Variants in CACNA1C observed in about 807,000 individuals in gnomAD.
CACNA1C encodes the protein calcium voltage-gated channel subunit alpha1 C, also known as voltage-dependent L-type calcium channel subunit alpha-1C.
A neutral mutation model predicts 229.0 loss-of-function variants in CACNA1C; 30 were observed. The ratio of observed to expected loss-of-function variants is 0.13; its 90% confidence interval spans 0.10 to 0.18. The LOEUF (loss-of-function observed/expected upper bound fraction) is 0.18, where lower values mean the gene tolerates loss of function less well. Among genes scored for constraint, CACNA1C ranks in the 10% least tolerant of loss-of-function variants. CACNA1C has a pLI of 1.00. For synonymous variants in CACNA1C, 1,114 were observed against 1,132.5 expected, an observed-to-expected ratio of 0.98 and a Z score of 0.33; for missense variants, 1,658 against 2,845.0, an observed-to-expected ratio of 0.58 and a Z score of 9.49.
At chr12:2,281,878 TC>T (rs1343258182) in intron 3 of CACNA1C, among the ~76,000 whole-genome samples, 2 of 152,244 alleles carry the variant, frequency 1.3e-5, no homozygotes, top group Admixed American at 1.3e-4. Context: ...TTTTTGCTTC[TC>T]CCCCCATTCC....
chr12:2,564,888 A>G (rs10744565), intron 11 of CACNA1C, among the ~76,000 whole-genome samples: 133,046 of 152,038 alleles, frequency 0.88, 58,539 homozygotes, highest in Non-Finnish European at 0.92. Flanking sequence ...GGGGTGTTCC[A>G]ATCCAACCTG....
chr12:1,997,871 G>A (rs1261491722), intron 1 of CACNA1C: 4 of 1,324,374 alleles, frequency 3.0e-6, no homozygotes, highest in Non-Finnish European at 4.3e-6. Flanking sequence ...GAAGAAGAGT[G>A]ACACAACGGA....
At chr12:2,018,124 C>T (rs1320181715) in intron 1 of CACNA1C, 1 of 152,136 alleles carries the variant, frequency 6.6e-6, no homozygotes, top group African/African-American at 2.4e-5. Context: ...TGCTGACCTC[C>T]CTGTTGTAAA....
chr12:2,250,803 G>C (rs1291759555), intron 3 of CACNA1C, among the ~76,000 whole-genome samples: 1 of 152,168 alleles, frequency 6.6e-6, no homozygotes, highest in Non-Finnish European at 1.5e-5. Flanking sequence ...TTAGGGGTTT[G>C]TTCTGCTCTC....
At chr12:2,286,723 C>CCCTG in intron 3 of CACNA1C, among the ~76,000 whole-genome samples, 1 of 152,220 alleles carries the variant, frequency 6.6e-6, no homozygotes, top group East Asian at 1.9e-4. Flanking sequence ...ATGACAGGAC[C>CCCTG]CAGGCTCAGG....
chr12:2,642,182 G>A (rs1034205106), intron 30 of CACNA1C, among the ~76,000 whole-genome samples: 8 of 152,168 alleles, frequency 5.3e-5, no homozygotes, highest in African/African-American at 1.2e-4. Context: ...TGAGATTGCC[G>A]AGGTCCTGAT....
intron 5 of CACNA1C, among the ~76,000 whole-genome samples, chr12:2,474,433 G>T (rs1255280875): frequency 1.3e-5 from 2 of 152,186 alleles, no homozygotes; most frequent in African/African-American, 4.8e-5. Context: ...AGCTACAGGT[G>T]GATCCCGTAG....
chr12:2,006,019 G>GC (rs1298587444), intron 1 of CACNA1C, among the ~76,000 whole-genome samples: 2 of 152,148 alleles, frequency 1.3e-5, no homozygotes, highest in African/African-American at 4.8e-5. Context: ...AACACACATA[G>GC]CCCGGGGTCT....
chr12:2,060,101 C>T (rs11062095), intron 1 of CACNA1C, among the ~76,000 whole-genome samples: 8,367 of 152,276 alleles, frequency 0.055, 276 homozygotes, highest in African/African-American at 0.091. Context: ...AAATTCAGAT[C>T]ACGATTTTGT....
At chr12:2,481,405 C>T (rs1426661951) in intron 5 of CACNA1C, among the ~76,000 whole-genome samples, 2 of 152,232 alleles carry the variant, frequency 1.3e-5, no homozygotes, top group African/African-American at 2.4e-5. Flanking sequence ...GATGCAGGTC[C>T]TCTAAGCCTT....
rs561517673 is a variant in CACNA1C at position 2,346,233 on chromosome 12, G to A, written c.478-102743G>A. 1.1e-4 allele frequency among the ~76,000 whole-genome samples: 16 copies of A among 152,250 alleles called. No individual in the cohort carries two copies. In the South Asian group the frequency reaches 3.1e-3, roughly 30 times the overall value. ...CTCTGTGTGTGTCATCTCTGTGTGT[G>A]TCTGTGTGTGTCTCTGTCTGTGCAT... On this transcript the variant is annotated intron_variant, in intron 3 of 46. Transcript: ENST00000399655. The surrounding 1 kb of genome is among the most constrained non-coding windows in gnomAD (Gnocchi z 4.4).
At chr12:2,171,327 G>A (rs774126583) in intron 3 of CACNA1C, among the ~76,000 whole-genome samples, 1 of 152,096 alleles carries the variant, frequency 6.6e-6, no homozygotes, top group African/African-American at 2.4e-5. Flanking sequence ...ACCCCAGCCA[G>A]CTCACAGATA....
chr12:2,620,159 C>G (rs575934172), intron 29 of CACNA1C, among the ~76,000 whole-genome samples: 1 of 152,282 alleles, frequency 6.6e-6, no homozygotes, highest in African/African-American at 2.4e-5. Flanking sequence ...CATTTTACAT[C>G]TGAAGAAACT....
chr12:2,104,786 A>G (rs892791768), intron 1 of CACNA1C, among the ~76,000 whole-genome samples: 4 of 152,254 alleles, frequency 2.6e-5, no homozygotes, highest in Non-Finnish European at 5.9e-5. Context: ...TGCTATCACC[A>G]GGTGCTGATA....
In CACNA1C at chr12:2,654,355, G is replaced by A. The variant is rs1424364465; in HGVS notation, c.4140+455G>A. ...TGGCTGAGAGGGAGGGAGGGAAGAA[G>A]GAAGCAAGGAAGGGCCAAATCAACA... On this transcript the variant is annotated intron_variant, in intron 33 of 46. Transcript: ENST00000399655. The surrounding 1 kb of genome is among the most constrained non-coding windows in gnomAD (Gnocchi z 4.4). 1.3e-5 allele frequency among the ~76,000 whole-genome samples: 2 copies of A among 152,178 alleles called. No individual in the cohort carries two copies. Among genetic ancestry groups the A allele is most frequent in the African/African-American group, 2.4e-5 (1 of 41,426 alleles).
At chr12:2,510,150 G>C (rs2099780471) in intron 8 of CACNA1C, among the ~76,000 whole-genome samples, 1 of 152,202 alleles carries the variant, frequency 6.6e-6, no homozygotes, top group Non-Finnish European at 1.5e-5. Context: ...TCCCACAGCT[G>C]TGACTGATTG....
rs558598368 is a variant in CACNA1C, at chr12:2,518,030, A to C, written c.1390+5046A>C. Among the ~76,000 whole-genome samples the C allele has an allele frequency of 2.6e-5, 4 of 152,340 alleles. No homozygotes were observed. In the South Asian group the frequency reaches 8.3e-4, roughly 32 times the overall value. The stretch of plus-strand genomic sequence containing the variant: ...GACAGACAGTGGAACCAAAATATTG[A>C]ATTTCCATGCAGATAAGCAGGATTA... On this transcript the variant is annotated intron_variant, in intron 9 of 46. Transcript: ENST00000399655.
chr12:2,593,704 T>C (rs2066636367), intron 19 of CACNA1C, among the ~76,000 whole-genome samples: 1 of 152,360 alleles, frequency 6.6e-6, no homozygotes, highest in South Asian at 2.1e-4. Flanking sequence ...GCTCCTTACT[T>C]ACATGGAATT....
chr12:2,308,901 A>G (rs1471307231), intron 3 of CACNA1C, among the ~76,000 whole-genome samples: 1 of 152,202 alleles, frequency 6.6e-6, no homozygotes, highest in Non-Finnish European at 1.5e-5. Flanking sequence ...GGGAATGAAA[A>G]TTGGTACAGC....
Sources: allele counts gnomAD v4.1 joint callset (sites outside exome capture counted in the v4.1 genomes callset), GRCh38; gene constraint gnomAD v4.1.1; non-coding constraint Gnocchi (gnomAD v3.1); transcripts MANE v1.5; gene names NCBI Gene and HGNC (gene_info 2026-07-23, HGNC 2026-07-21).